The following FOXP1 variants were observed in gnomAD, a reference collection of about 807,000 sequenced individuals.
FOXP1 encodes the protein forkhead box protein P1.
FOXP1 carries 15 observed loss-of-function variants against 98.2 expected under a neutral mutation model. That is an observed-to-expected ratio of 0.15 (90% confidence interval 0.10 to 0.24). The LOEUF (loss-of-function observed/expected upper bound fraction) is 0.24, where lower values mean the gene tolerates loss of function less well. Among genes scored for constraint, FOXP1 ranks in the 10% least tolerant of loss-of-function variants. The probability of loss-of-function intolerance (pLI) is 1.00; values close to 1 mark genes in which losing one functional copy is unlikely to be tolerated. For missense variants in FOXP1, 633 were observed against 848.5 expected, an observed-to-expected ratio of 0.75 and a Z score of 3.15; for synonymous variants, 371 against 314.5, an observed-to-expected ratio of 1.18 and a Z score of -1.90.
At chr3:71,575,789 A>C (rs1236967967) in intron 2 of FOXP1, among the ~76,000 whole-genome samples, 2 of 152,260 alleles carry the variant, frequency 1.3e-5, no homozygotes, top group Non-Finnish European at 2.9e-5. Flanking sequence ...ATATGTTAAA[A>C]TATTACCCCT....
chr3:71,542,777 C>A (rs1313158735), intron 2 of FOXP1, among the ~76,000 whole-genome samples: 1 of 152,202 alleles, frequency 6.6e-6, no homozygotes, highest in Non-Finnish European at 1.5e-5. Context: ...ACTCCTCCCT[C>A]CGCAGCCAGC....
intron 5 of FOXP1, among the ~76,000 whole-genome samples, chr3:71,261,810 T>G (rs2069165163): frequency 1.3e-5 from 2 of 152,108 alleles, no homozygotes; most frequent in African/African-American, 2.4e-5. Context: ...CACTGCAGAT[T>G]CAAAACAAAA....
intron 19 of FOXP1, among the ~76,000 whole-genome samples, chr3:70,967,108 A>AATGAGAAG (rs1180885678): frequency 1.3e-5 from 2 of 152,220 alleles, no homozygotes; most frequent in African/African-American, 4.8e-5. Flanking sequence ...TTTCCATCCT[A>AATGAGAAG]ATGAGAAGAA....
At chr3:71,268,511 A>C (rs2069973815) in intron 5 of FOXP1, among the ~76,000 whole-genome samples, 1 of 152,164 alleles carries the variant, frequency 6.6e-6, no homozygotes, top group African/African-American at 2.4e-5. Flanking sequence ...CTTCCACACC[A>C]GGGGCGATAC....
chr3:71,442,196 C>G (rs1372492256), intron 3 of FOXP1, among the ~76,000 whole-genome samples: 1 of 152,184 alleles, frequency 6.6e-6, no homozygotes, highest in Admixed American at 6.5e-5. Flanking sequence ...TTGTTCATTC[C>G]TTCTGCATAG....
rs2073694166 is a variant in FOXP1, at chr3:71,299,821, T to A, written c.-13A>T. On this transcript the variant is annotated splice_region_variant and 5_prime_UTR_variant, in exon 5 of 21. It adds an upstream start codon to the 5' untranslated region. Coordinates refer to ENST00000649528, the MANE Select transcript of FOXP1 (RefSeq NM_001349338.3). Reference sequence around the variant, plus strand: ...TTCACTAATCACATTTGCATTTACCTTTTTTGGCTTCTGTAAAGCAATCTT... The same window carrying A: ...TTCACTAATCACATTTGCATTTACCATTTTTGGCTTCTGTAAAGCAATCTT... 6.6e-6 allele frequency: 1 copy of A among 152,668 alleles called. No individual in the cohort carries two copies. Among genetic ancestry groups the A allele is most frequent in the African/African-American group, 2.4e-5 (1 of 41,466 alleles). The allele number at this position is 152,668 out of a possible 1,614,324, so 9.5% of individuals were successfully genotyped here. A position where few individuals can be genotyped will look rare whatever the true frequency, so the allele number is the denominator to read the frequency against.
At chr3:71,166,306 G>C (rs1211704151) in intron 6 of FOXP1, among the ~76,000 whole-genome samples, 1 of 152,186 alleles carries the variant, frequency 6.6e-6, no homozygotes, top group East Asian at 1.9e-4. Context: ...AGAGCCGCTA[G>C]CGTGACCATC....
Position 71,494,478 on chromosome 3 carries a change from G to A in FOXP1, c.-297-923C>T, listed in dbSNP as rs545170855. Among the ~76,000 whole-genome samples the A allele has an allele frequency of 5.3e-5, 8 of 152,154 alleles. No individual in the cohort carries two copies. The East Asian group carries it at 9.7e-4, about 18-fold the overall frequency. ...GCTGTGACCAGAGAGTTTTTCAAGC[G>A]CTTAGAATGCTAAGCCTGGCACCAG... is the stretch of plus-strand genomic sequence containing the variant. On this transcript the variant is annotated intron_variant, in intron 2 of 20. Transcript: ENST00000649528.
At chr3:71,394,770 C>T (rs906362212) in intron 3 of FOXP1, among the ~76,000 whole-genome samples, 1 of 152,144 alleles carries the variant, frequency 6.6e-6, no homozygotes, top group Non-Finnish European at 1.5e-5. Context: ...GACTCCAATT[C>T]CAGTGCTCCT....
At chr3:71,087,314 G>A (rs1243138120) in intron 7 of FOXP1, among the ~76,000 whole-genome samples, 1 of 152,154 alleles carries the variant, frequency 6.6e-6, no homozygotes, top group African/African-American at 2.4e-5. Flanking sequence ...TTGCTCTGGA[G>A]GTGCACTTAG....
At chr3:71,436,044 T>C (rs1204490850) in intron 3 of FOXP1, among the ~76,000 whole-genome samples, 2 of 151,714 alleles carry the variant, frequency 1.3e-5, no homozygotes, top group Non-Finnish European at 2.9e-5. Flanking sequence ...TGTCTACATA[T>C]ATTAATACCC....
At chr3:71,474,146 A>T (rs1232888847) in intron 3 of FOXP1, among the ~76,000 whole-genome samples, 1 of 152,358 alleles carries the variant, frequency 6.6e-6, no homozygotes, top group East Asian at 1.9e-4. Context: ...AAATACACTT[A>T]GATGTTTTAT....
At chr3:71,006,375 C>T (rs1350511624) in intron 12 of FOXP1, among the ~76,000 whole-genome samples, 1 of 151,968 alleles carries the variant, frequency 6.6e-6, no homozygotes, top group Non-Finnish European at 1.5e-5. Flanking sequence ...GGCTAAATTC[C>T]AACACACAAT....
chr3:71,211,185 C>G (rs148066423), intron 5 of FOXP1, among the ~76,000 whole-genome samples: 218 of 152,204 alleles, frequency 1.4e-3, no homozygotes, highest in Non-Finnish European at 2.7e-3. Context: ...TACACTTGCC[C>G]TAACCCACAT....
intron 2 of FOXP1, among the ~76,000 whole-genome samples, chr3:71,495,639 G>A (rs967568314): frequency 2.6e-5 from 4 of 152,118 alleles, no homozygotes; most frequent in Admixed American, 6.5e-5. Context: ...GTTCTTAGCA[G>A]ATATTATTAT....
At position 70,972,024 on chromosome 3, in the gene FOXP1, C is replaced by G. The variant is rs1010207743; in HGVS notation, c.1652+531G>C. The G allele has an allele frequency of 2.1e-6, 3 of 1,440,506 alleles. No homozygotes were observed. The African/African-American group carries it at 4.3e-5, about 21-fold the overall frequency. The allele number at this position is 1,440,506 out of a possible 1,614,324, so 89.2% of individuals were successfully genotyped here. On this transcript the variant is annotated intron_variant, in intron 18 of 20. Transcript: ENST00000649528. Reference sequence around the variant, plus strand: ...AAAGGCTCTTACTGTGCGACAAGCTCGTCAAAGTTTTCATCGGGGCAGTAT... The same window carrying G: ...AAAGGCTCTTACTGTGCGACAAGCTGGTCAAAGTTTTCATCGGGGCAGTAT...
chr3:71,166,594 C>G (rs2061410386), intron 6 of FOXP1, among the ~76,000 whole-genome samples: 1 of 152,150 alleles, frequency 6.6e-6, no homozygotes, highest in African/African-American at 2.4e-5. Context: ...GAGACCACTA[C>G]TGGCCTCTTC....
Position 70,958,406 on chromosome 3 carries a change from G to GA in FOXP1, c.*840dup. The GA allele has an allele frequency of 2.1e-6, 1 of 486,396 alleles. No individual in the cohort carries two copies. Among genetic ancestry groups the GA allele is most frequent in the Non-Finnish European group, 4.0e-6 (1 of 252,156 alleles). 30.1% of individuals were successfully genotyped at this position (486,396 alleles called of 1,614,324 possible). A position where few individuals can be genotyped will look rare whatever the true frequency, so the allele number is the denominator to read the frequency against. On this transcript the variant is annotated 3_prime_UTR_variant, in exon 21 of 21. Transcript: ENST00000649528. ...AGAGTGCAGCATTTGGGACCTTTTT[G>GA]AAAAAGACCAAAACGGAATGTTTTC... is the stretch of plus-strand genomic sequence containing the variant.
chr3:70,983,103 C>T (rs879804949), intron 14 of FOXP1, among the ~76,000 whole-genome samples: 4 of 152,188 alleles, frequency 2.6e-5, no homozygotes, highest in Admixed American at 6.5e-5. Flanking sequence ...CCAGGCCGTG[C>T]GGAGGGCAGG....
Sources: gnomAD v4.1 joint callset for allele counts (sites outside exome capture counted in the v4.1 genomes callset) on GRCh38, gnomAD v4.1.1 for gene constraint, MANE v1.5 for transcripts, NCBI Gene and HGNC (gene_info 2026-07-23, HGNC 2026-07-21) for gene names.